Variants in ANKRD17 observed in about 807,000 individuals in gnomAD.
ANKRD17 encodes ankyrin repeat domain-containing protein 17.
Under a neutral mutation model 229.7 loss-of-function variants are expected in ANKRD17, and 19 were observed. The observed-to-expected ratio is 0.08, with a 90% confidence interval of 0.06 to 0.12. ANKRD17 has a LOEUF of 0.12. ANKRD17 is among the 10% of genes least tolerant of loss of function. ANKRD17 has a pLI of 1.00. For synonymous variants in ANKRD17, 1,112 were observed against 1,146.1 expected (o/e 0.97, Z 0.60); for missense variants, 2,176 against 3,176.8 (o/e 0.68, Z 7.57).
chr4:73,258,640 G>GCCGCCA lies in ANKRD17; in HGVS notation c.23_28dup (p.Val8_Ala9dup). The GCCGCCA allele has an allele frequency of 2.0e-6, 3 of 1,486,364 alleles. No homozygotes were observed. The highest frequency in any genetic ancestry group is 2.5e-5 in the South Asian group (2 of 78,838). 92.1% of individuals were successfully genotyped at this position (1,486,364 alleles called of 1,614,324 possible). On this transcript the variant is annotated inframe_insertion, in exon 1 of 34. Coordinates refer to ENST00000358602, the MANE Select transcript of ANKRD17 (RefSeq NM_032217.5). ...CCCTTCTCCTTCTGCAGCCGTCGCC[G>GCCGCCA]CCGCCACCGGAACCGTCGCCTTCTC...
At chr4:73,170,535 C>CGGT (rs1733845554) in intron 2 of ANKRD17, among the ~76,000 whole-genome samples, 1 of 121,578 alleles carries the variant, frequency 8.2e-6, no homozygotes, top group South Asian at 2.9e-4. Flanking sequence ...CAGTTGGGGT[C>CGGT]GGGGGGCGGG....
chr4:73,178,275 C>T (rs1452032849), intron 1 of ANKRD17, among the ~76,000 whole-genome samples: 3 of 152,066 alleles, frequency 2.0e-5, no homozygotes, highest in Non-Finnish European at 4.4e-5. Flanking sequence ...GGAAAAAAGG[C>T]TAATTCACCT....
At chr4:73,109,660 T>G (rs1375461002) in intron 24 of ANKRD17, among the ~76,000 whole-genome samples, 2 of 152,056 alleles carry the variant, frequency 1.3e-5, no homozygotes, top group African/African-American at 4.8e-5. Flanking sequence ...CTGGTCAGCA[T>G]TAAAGGGCTA....
Position 73,090,811 on chromosome 4 carries a change from C to G in ANKRD17, c.6817G>C (p.Val2273Leu). 1 of 1,614,188 alleles carries G rather than the reference C, an allele frequency of 6.2e-7. No homozygotes were observed. The highest frequency in any genetic ancestry group is 8.5e-7 in the Non-Finnish European group (1 of 1,180,046). The change falls in exon 29 of 34, where the codon GTT (valine) becomes CTT (leucine). Residue 2273 changes from valine to leucine, a missense_variant. Val to Leu is a conservative substitution (Grantham distance 32, BLOSUM62 1). Around this residue, in one of 18 missense-constraint regions of ANKRD17, gnomAD observed 424 missense variants for 454.0 expected, o/e 0.93. Transcript: ENST00000358602. ...TCTGGTGTTGACTGAGATGAAACAA[C>G]AGATCCTCCCCAGAAGGCATGAGCA... is the stretch of plus-strand genomic sequence containing the variant. ...TSAHAFWGGS[V>L]VSSQSTPESM...
intron 3 of ANKRD17, among the ~76,000 whole-genome samples, chr4:73,160,474 C>T (rs1371210325): frequency 6.6e-6 from 1 of 152,050 alleles, no homozygotes; most frequent in Non-Finnish European, 1.5e-5. Context: ...CCGCCTCGGC[C>T]TCCAAAGTGC....
intron 1 of ANKRD17, among the ~76,000 whole-genome samples, chr4:73,201,421 A>C (rs529817591): frequency 6.6e-6 from 1 of 152,186 alleles, no homozygotes; most frequent in South Asian, 2.1e-4. Flanking sequence ...TCACCAAAAT[A>C]ATGATTTTCA....
chr4:73,154,827 G>A (rs1731437677), intron 5 of ANKRD17, among the ~76,000 whole-genome samples: 1 of 152,072 alleles, frequency 6.6e-6, no homozygotes, highest in Admixed American at 6.5e-5. Flanking sequence ...GGATCACGAG[G>A]TCAGGAGATC....
chr4:73,076,354 C>CT (rs1286336333), intron 33 of ANKRD17, 64 bp from the exon 34 acceptor site: 23 of 1,326,332 alleles, frequency 1.7e-5, no homozygotes, highest in Non-Finnish European at 2.2e-5. Context: ...TAAAATAAAA[C>CT]TTTTAAAAAA....
chr4:73,107,110 GATA>G (rs1365292432), intron 24 of ANKRD17, among the ~76,000 whole-genome samples: 2 of 152,110 alleles, frequency 1.3e-5, no homozygotes, highest in East Asian at 1.9e-4. Flanking sequence ...TAGTGATGAT[GATA>G]ATAATCATGA....
chr4:73,153,294 T>C (rs1161266339), intron 6 of ANKRD17, among the ~76,000 whole-genome samples: 4 of 17,344 alleles, frequency 2.3e-4, no homozygotes, highest in African/African-American at 4.6e-4. Flanking sequence ...CACAAAATTG[T>C]ATGACTTTTT....
At chr4:73,086,914 AAAAAAATATATATATATATATAT>A (rs1341277609) in intron 29 of ANKRD17, among the ~76,000 whole-genome samples, 2 of 48,492 alleles carry the variant, frequency 4.1e-5, no homozygotes, top group African/African-American at 1.6e-4. Flanking sequence ...AAAAAAAAAA[AAAAAAATATATATATATATATAT>A]ATATATATAT....
rs1002720735 is a variant in ANKRD17 at position 73,221,331 on chromosome 4, A to T, written c.393+36945T>A. Among the ~76,000 whole-genome samples the T allele has an allele frequency of 5.3e-5, 8 of 152,288 alleles. No individual in the cohort carries two copies. In the East Asian group the frequency reaches 1.3e-3, roughly 26 times the overall value. Reference sequence around the variant, plus strand: ...CATGGTATTAAACAATTGAGATAATAAAAAGCCAGTTGTTCAGGTAGCATT... The same window carrying T: ...CATGGTATTAAACAATTGAGATAATTAAAAGCCAGTTGTTCAGGTAGCATT... On this transcript the variant is annotated intron_variant, in intron 1 of 33. Transcript: ENST00000358602.
intron 21 of ANKRD17, 77 bp downstream of exon 21, chr4:73,120,085 T>C: frequency 2.8e-6 from 4 of 1,435,158 alleles, no homozygotes; most frequent in Non-Finnish European, 3.9e-6. Context: ...ATTTTTTAAA[T>C]AGTTTAATTG....
Position 73,077,020 on chromosome 4 carries a change from C to T in ANKRD17, c.7672G>A (p.Gly2558Ser). ...PDGAGGPIFN[G>S]PHAADPSWNS... ...CAAGAAGGGTCTGCAGCATGAGGGC[C>T]ATTAAATATGGGTCCTCCAGCACCA... is the stretch of plus-strand genomic sequence containing the variant. The change falls in exon 33 of 34, where the codon GGC (glycine) becomes AGC (serine). Residue 2558 changes from glycine (G) to serine (S), a missense_variant. Physicochemically the swap from Gly to Ser is moderately conservative, Grantham distance 56. This residue lies in a region of ANKRD17 where 159 missense variants were observed against 214.3 expected (regional missense o/e 0.74). Transcript: ENST00000358602. 1 of 1,613,636 alleles carries T rather than the reference C, an allele frequency of 6.2e-7. No homozygotes were observed. Among genetic ancestry groups the T allele is most frequent in the Non-Finnish European group, 8.5e-7 (1 of 1,179,818 alleles).
intron 24 of ANKRD17, among the ~76,000 whole-genome samples, chr4:73,106,412 C>T (rs1171742037): frequency 1.3e-5 from 2 of 152,080 alleles, no homozygotes; most frequent in Non-Finnish European, 1.5e-5. Context: ...TAAACAAATA[C>T]TGCAGATTTA....
At chr4:73,237,278 A>T (rs148330563) in intron 1 of ANKRD17, among the ~76,000 whole-genome samples, 1 of 152,350 alleles carries the variant, frequency 6.6e-6, no homozygotes, top group East Asian at 1.9e-4. Flanking sequence ...GCTCATGCAT[A>T]GAAGACAAAA....
chr4:73,230,028 A>C (rs1248665496), intron 1 of ANKRD17, among the ~76,000 whole-genome samples: 1 of 152,150 alleles, frequency 6.6e-6, no homozygotes, highest in Non-Finnish European at 1.5e-5. Context: ...AAAAAGCACT[A>C]AACAGTTTCT....
At position 73,155,762 on chromosome 4, in the gene ANKRD17, T is replaced by C; in HGVS notation, c.869A>G (p.His290Arg). Reference protein sequence around the residue: ...YELAQVLLAMHANVEDRGIKG... With the variant: ...YELAQVLLAMRANVEDRGIKG... ...GATTCCCCTATCTTCCACATTTGCA[T>C]GCATTGCCAACAAAACCTTATGAGA... The change falls in exon 5 of 34, where the codon CAT (histidine) becomes CGT (arginine). Residue 290 changes from histidine (H) to arginine (R), a missense_variant. His to Arg is a conservative substitution (Grantham distance 29, BLOSUM62 0). Coordinates refer to ENST00000358602, the MANE Select transcript of ANKRD17 (RefSeq NM_032217.5). 6.2e-7 allele frequency: 1 copy of C among 1,614,044 alleles called. No homozygotes were observed. The highest frequency in any genetic ancestry group is 8.5e-7 in the Non-Finnish European group (1 of 1,179,956).
intron 18 of ANKRD17, 121 bp from the exon 19 acceptor site, chr4:73,121,880 A>G (rs1726781343): frequency 2.0e-6 from 2 of 997,362 alleles, no homozygotes; most frequent in Non-Finnish European, 1.4e-6. Flanking sequence ...TTCTTCCTTC[A>G]TGCTCTGCAT....
Sources: gnomAD v4.1 joint callset for allele counts (sites outside exome capture counted in the v4.1 genomes callset) on GRCh38, gnomAD v4.1.1 for gene constraint, gnomAD v4.1.1 regional missense constraint, MANE v1.5 for transcripts, NCBI Gene and HGNC (gene_info 2026-07-23, HGNC 2026-07-21) for gene names.